The following PTPN4 variants were observed in gnomAD, a reference collection of about 807,000 sequenced individuals.
PTPN4 encodes the protein protein tyrosine phosphatase non-receptor type 4.
Under a neutral mutation model 135.5 loss-of-function variants are expected in PTPN4, and 49 were observed. That is an observed-to-expected ratio of 0.36 (90% CI 0.29 to 0.46). PTPN4 has a LOEUF of 0.46. Ranked by LOEUF, PTPN4 falls within the 20% of genes least tolerant of loss-of-function variation. PTPN4 has a pLI of 1.00. For missense variants in PTPN4, 860 were observed against 1,101.0 expected (o/e 0.78, Z 3.10); for synonymous variants, 333 against 369.9 (o/e 0.90, Z 1.14).
At chr2:119,974,737 A>G (rs1318735217) in intron 26 of PTPN4, among the ~76,000 whole-genome samples, 16 of 152,174 alleles carry the variant, frequency 1.1e-4, no homozygotes. Flanking sequence ...TTAGGCACCA[A>G]CCTCTGAGCA....
In PTPN4 at chr2:119,799,130, G is replaced by A. The variant is rs370087345; in HGVS notation, c.-17-10707G>A. Among the ~76,000 whole-genome samples, 5 of 152,008 alleles carry A rather than the reference G, an allele frequency of 3.3e-5. No homozygotes were observed. In the East Asian group the frequency reaches 7.7e-4, roughly 23 times the overall value. On this transcript the variant is annotated intron_variant, in intron 1 of 26. Transcript: ENST00000263708. ...TAGGGACATTTGAATGTTATTTTTCGGCTTCAGATCATTGGAAACTAGGAT... is the reference window on the plus strand; with the variant it reads ...TAGGGACATTTGAATGTTATTTTTCAGCTTCAGATCATTGGAAACTAGGAT...
chr2:119,869,968 C>T (rs1677887066), intron 3 of PTPN4, among the ~76,000 whole-genome samples: 1 of 152,170 alleles, frequency 6.6e-6, no homozygotes, highest in Non-Finnish European at 1.5e-5. Context: ...AACTGAGAAA[C>T]TATTTGAGGC....
At chr2:119,821,564 C>A (rs1677068962) in intron 2 of PTPN4, among the ~76,000 whole-genome samples, 1 of 151,834 alleles carries the variant, frequency 6.6e-6, no homozygotes, top group Non-Finnish European at 1.5e-5. Context: ...TTTTGGCTTT[C>A]TTTTGCAATT....
chr2:119,903,876 C>A (rs1176078353), intron 10 of PTPN4, among the ~76,000 whole-genome samples: 1 of 152,196 alleles, frequency 6.6e-6, no homozygotes, highest in Admixed American at 6.5e-5. Flanking sequence ...CACCCTAAGC[C>A]ACTGAGGAAC....
intron 1 of PTPN4, among the ~76,000 whole-genome samples, chr2:119,784,932 A>G (rs916267371): frequency 2.5e-5 from 3 of 119,646 alleles, no homozygotes; most frequent in African/African-American, 9.5e-5. Context: ...CATCCTTTCC[A>G]TTTTTCTTCT....
At chr2:119,797,244 G>A (rs1691279391) in intron 1 of PTPN4, among the ~76,000 whole-genome samples, 1 of 152,090 alleles carries the variant, frequency 6.6e-6, no homozygotes, top group African/African-American at 2.4e-5. Context: ...ACTCTCCACT[G>A]AATTCCCTTT....
intron 2 of PTPN4, among the ~76,000 whole-genome samples, chr2:119,825,879 CTA>C (rs1457798509): frequency 1.3e-5 from 2 of 152,136 alleles, no homozygotes; most frequent in Non-Finnish European, 2.9e-5. Flanking sequence ...TGTTTCATCT[CTA>C]TATGTCATTG....
chr2:119,844,827 C>T (rs2104973950), intron 2 of PTPN4, among the ~76,000 whole-genome samples: 2 of 145,550 alleles, frequency 1.4e-5, no homozygotes, highest in East Asian at 2.0e-4. Flanking sequence ...CAGGCAGAGA[C>T]ACTCCTCACT....
chr2:119,856,955 A>T (rs1677689468), intron 2 of PTPN4, among the ~76,000 whole-genome samples: 1 of 152,170 alleles, frequency 6.6e-6, no homozygotes, highest in Non-Finnish European at 1.5e-5. Flanking sequence ...TCTTGAAAGG[A>T]GAGGTAGACA....
chr2:119,940,345 G>A (rs1045317205), intron 15 of PTPN4, among the ~76,000 whole-genome samples: 1 of 152,322 alleles, frequency 6.6e-6, no homozygotes, highest in Non-Finnish European at 1.5e-5. Flanking sequence ...TGTATCTAAT[G>A]TAATATAAGT....
intron 9 of PTPN4, among the ~76,000 whole-genome samples, chr2:119,889,302 C>A (rs2105007479): frequency 6.6e-6 from 1 of 152,254 alleles, no homozygotes; most frequent in East Asian, 1.9e-4. Flanking sequence ...CACCTGTAGT[C>A]CCCACTACTC....
chr2:119,917,512 T>A (rs1416826907), intron 11 of PTPN4, among the ~76,000 whole-genome samples: 1 of 152,086 alleles, frequency 6.6e-6, no homozygotes, highest in Non-Finnish European at 1.5e-5. Context: ...GGTGGGTGGA[T>A]TGCTTTAGGC....
At chr2:119,926,869 A>T (rs1168118689) in intron 13 of PTPN4, among the ~76,000 whole-genome samples, 1 of 152,068 alleles carries the variant, frequency 6.6e-6, no homozygotes, top group East Asian at 1.9e-4. Context: ...TTTTTATATT[A>T]ATAGTGTGCC....
At position 119,882,161 on chromosome 2, in the gene PTPN4, C is replaced by T. The variant is rs1211364367; in HGVS notation, c.466+12C>T. 1 of 1,598,052 alleles carries T rather than the reference C, an allele frequency of 6.3e-7. No homozygotes were observed. The highest frequency in any genetic ancestry group is 1.7e-5 in the Admixed American group (1 of 59,890). ...ATTTGCTGTTCAGTGTAAGTATCAG[C>T]CCATTTTTAGGTCAAATAGCATATA... On this transcript the variant is annotated intron_variant, in intron 7 of 26. Transcript: ENST00000263708.
intron 20 of PTPN4, among the ~76,000 whole-genome samples, chr2:119,955,675 C>T (rs897596809): frequency 6.6e-5 from 10 of 152,124 alleles, no homozygotes; most frequent in East Asian, 1.9e-4. Flanking sequence ...TGGTGGCTCA[C>T]GCCTGTAATC....
At chr2:119,852,963 T>C (rs946193130) in intron 2 of PTPN4, among the ~76,000 whole-genome samples, 5 of 152,228 alleles carry the variant, frequency 3.3e-5, no homozygotes, top group African/African-American at 1.2e-4. Flanking sequence ...TGTTCTATTT[T>C]GATTTCATTA....
chr2:119,846,724 G>T (rs574682333), intron 2 of PTPN4, among the ~76,000 whole-genome samples: 1 of 151,172 alleles, frequency 6.6e-6, no homozygotes, highest in South Asian at 2.1e-4. Flanking sequence ...ATATTTTCTT[G>T]TGTAACATTT....
At chr2:119,792,749 A>C (rs1476819965) in intron 1 of PTPN4, among the ~76,000 whole-genome samples, 1 of 152,210 alleles carries the variant, frequency 6.6e-6, no homozygotes. Flanking sequence ...GGTCTGAGAA[A>C]TAAAGGGAAA....
At chr2:119,870,121 G>A (rs550538582) in intron 3 of PTPN4, among the ~76,000 whole-genome samples, 2 of 152,286 alleles carry the variant, frequency 1.3e-5, no homozygotes, top group East Asian at 1.9e-4. Flanking sequence ...CACCTTGAAA[G>A]CTCAAATGAA....
Sources: gnomAD v4.1 joint callset for allele counts (sites outside exome capture counted in the v4.1 genomes callset) on GRCh38, gnomAD v4.1.1 for gene constraint, MANE v1.5 for transcripts, NCBI Gene and HGNC (gene_info 2026-07-23, HGNC 2026-07-21) for gene names.